The following CIITA variants were observed in gnomAD, a reference collection of about 807,000 sequenced individuals.
CIITA encodes the protein MHC class II transactivator.
A neutral mutation model predicts 115.1 loss-of-function variants in CIITA; 72 were observed. The ratio of observed to expected loss-of-function variants is 0.63; its 90% confidence interval spans 0.52 to 0.76. CIITA has a LOEUF of 0.76. Ranked by LOEUF, CIITA falls within the 30% of genes least tolerant of loss-of-function variation. The probability of loss-of-function intolerance (pLI) is 0.00; values close to 1 mark genes in which losing one functional copy is unlikely to be tolerated. For missense variants in CIITA, 1,617 were observed against 1,463.8 expected (o/e 1.10, Z -1.71); for synonymous variants, 763 against 635.6 (o/e 1.20, Z -3.02).
chr16:10,917,313 C>T (rs2040007575), intron 15 of CIITA, among the ~76,000 whole-genome samples: 2 of 152,064 alleles, frequency 1.3e-5, no homozygotes, highest in African/African-American at 4.8e-5. Flanking sequence ...GTAGCTGGGA[C>T]AGGTGCATGC....
Position 10,920,527 on chromosome 16 carries a change from G to A in CIITA, c.3150-1640G>A, listed in dbSNP as rs2040214295. Among the ~76,000 whole-genome samples, 1 of 152,212 alleles carries A rather than the reference G, an allele frequency of 6.6e-6. No homozygotes were observed. Among genetic ancestry groups the A allele is most frequent in the Admixed American group, 6.5e-5 (1 of 15,286 alleles). On this transcript the variant is annotated intron_variant, in intron 16 of 19. Coordinates refer to ENST00000324288, the MANE Select transcript of CIITA (RefSeq NM_000246.4). This position sits in a 1 kb window ranked among gnomAD's most constrained non-coding sequence, Gnocchi z 4.5. ...CTTCCAAAGTGCTGGGATTACGGGT[G>A]TGAGCCACCATGCCCAGCCTGATTT...
At chr16:10,887,416 G>A (rs1414644069) in intron 1 of CIITA, among the ~76,000 whole-genome samples, 2 of 152,140 alleles carry the variant, frequency 1.3e-5, no homozygotes, top group African/African-American at 4.8e-5. Flanking sequence ...ATGTCTCTAG[G>A]CACACAGTTC....
chr16:10,912,201 A>G (rs2039631102), intron 13 of CIITA, among the ~76,000 whole-genome samples: 1 of 150,558 alleles, frequency 6.6e-6, no homozygotes, highest in South Asian at 2.1e-4. Context: ...TGCAATCTCC[A>G]CCTCTCGGTT....
At chr16:10,904,552 T>G (rs951170732) in intron 9 of CIITA, among the ~76,000 whole-genome samples, 192 bp from the exon 10 acceptor site, 1 of 152,032 alleles carries the variant, frequency 6.6e-6, no homozygotes, top group Non-Finnish European at 1.5e-5. Flanking sequence ...TAAACATGAG[T>G]GAAATTTTTA....
rs116325899 is a variant in CIITA, at chr16:10,918,304, A to G, written c.3063-136A>G. On this transcript the variant is annotated intron_variant, in intron 15 of 19. Coordinates refer to ENST00000324288, the MANE Select transcript of CIITA (RefSeq NM_000246.4). The stretch of plus-strand genomic sequence containing the variant: ...CCACTTGGCCACAGGACCTAACAGT[A>G]TCCTCCTATTTACCGAGAGGTAGCT... 9.4e-4 allele frequency: 788 copies of G among 841,804 alleles called. 6 individuals are homozygous for G. The African/African-American group carries it at 0.012, about 13-fold the overall frequency. The allele number at this position is 841,804 out of a possible 1,614,324, so 52.1% of individuals were successfully genotyped here.
In CIITA at chr16:10,898,193, C is replaced by G. The variant is rs145276588; in HGVS notation, c.296-477C>G. On this transcript the variant is annotated intron_variant, in intron 3 of 19. Transcript: ENST00000324288. ...CATGTACCCCTTTATATAGTTACCA[C>G]TATTTACTGAGTGCCTACTGTATAC... Among the ~76,000 whole-genome samples the G allele has an allele frequency of 3.1e-4, 47 of 152,286 alleles. No individual in the cohort carries two copies. The East Asian group carries it at 8.9e-3, about 29-fold the overall frequency.
intron 1 of CIITA, among the ~76,000 whole-genome samples, chr16:10,887,803 A>G (rs1044064905): frequency 1.3e-5 from 2 of 152,078 alleles, no homozygotes; most frequent in South Asian, 2.1e-4. Flanking sequence ...CCTCCTTCTC[A>G]TGCTCTTTAA....
chr16:10,878,011 C>A (rs1011854764), intron 1 of CIITA, among the ~76,000 whole-genome samples: 2 of 152,288 alleles, frequency 1.3e-5, no homozygotes, highest in South Asian at 4.1e-4. Flanking sequence ...CTGAAGAAGT[C>A]GTTTACATTC....
In CIITA at chr16:10,908,099, C is replaced by A. The variant is rs1449586614; in HGVS notation, c.2607C>A (p.Cys869Ter). 2 of 1,601,940 alleles carry A rather than the reference C, an allele frequency of 1.2e-6. No homozygotes were observed. Among genetic ancestry groups the A allele is most frequent in the Non-Finnish European group, 8.5e-7 (1 of 1,174,228 alleles). Residue 869 changes from cysteine to a stop codon, truncating the protein, a stop_gained, in exon 11 of 20, where the codon TGC becomes TGA. Transcript: ENST00000324288. LOFTEE classifies it high-confidence loss of function. ...FSLDLRSTGI[C>*]PSGLGSLVGL... ...TGGACCTCCGCAGCACTGGCATTTGCCCCTCTGGATTGGGGAGCCTCGTGG... is the reference window on the plus strand; with the variant it reads ...TGGACCTCCGCAGCACTGGCATTTGACCCTCTGGATTGGGGAGCCTCGTGG...
chr16:10,913,332 T>A (rs2144899689), intron 13 of CIITA: 1 of 152,770 alleles, frequency 6.5e-6, no homozygotes, highest in South Asian at 2.0e-4. Flanking sequence ...TTTCTTTTTT[T>A]GAGGTGGAGT....
Position 10,934,223 on chromosome 16 carries a change from C to G in CIITA, c.*10368C>G, listed in dbSNP as rs565193700. 2.0e-5 allele frequency: 3 copies of G among 152,346 alleles called. No individual in the cohort carries two copies. Among genetic ancestry groups the G allele is most frequent in the African/African-American group, 7.2e-5 (3 of 41,562 alleles). The allele number at this position is 152,346 out of a possible 1,614,324, so 9.4% of individuals were successfully genotyped here. On this transcript the variant is annotated 3_prime_UTR_variant, in exon 20 of 20. Transcript: ENST00000324288. The surrounding 1 kb of genome is among the most constrained non-coding windows in gnomAD (Gnocchi z 4.2). Reference sequence around the variant, plus strand: ...AGGTCCTGCCACATCCAAGAACCACCTGGACTATTATTTACTTAGTATTTT... The same window carrying G: ...AGGTCCTGCCACATCCAAGAACCACGTGGACTATTATTTACTTAGTATTTT...
chr16:10,904,345 C>T (rs767880108), intron 9 of CIITA, among the ~76,000 whole-genome samples: 5 of 152,092 alleles, frequency 3.3e-5, no homozygotes, highest in African/African-American at 4.8e-5. Flanking sequence ...CCTCAGCCTC[C>T]GGAGCAGCTG....
intron 9 of CIITA, 125 bp downstream of exon 9, chr16:10,904,020 A>G: frequency 7.7e-7 from 1 of 1,299,524 alleles, no homozygotes; most frequent in South Asian, 1.2e-5. Flanking sequence ...TTTAGGGGTC[A>G]GTCGGGACAG....
In CIITA at chr16:10,933,483, C is replaced by A. The variant is rs1023395974; in HGVS notation, c.*9628C>A. On this transcript the variant is annotated 3_prime_UTR_variant, in exon 20 of 20. Transcript: ENST00000324288. ...CCTGTCTGTGCTGATTGTGGTTCTG[C>A]CCCTTCCTGGCTGTGTGACCTCAGA... The A allele has an allele frequency of 6.6e-6, 1 of 152,316 alleles. No homozygotes were observed. The allele number at this position is 152,316 out of a possible 1,614,324, so 9.4% of individuals were successfully genotyped here. A position where few individuals can be genotyped will look rare whatever the true frequency, so the allele number is the denominator to read the frequency against.
At chr16:10,894,472 GT>G (rs1470633963) in intron 1 of CIITA, among the ~76,000 whole-genome samples, 1 of 151,900 alleles carries the variant, frequency 6.6e-6, no homozygotes, top group Non-Finnish European at 1.5e-5. Flanking sequence ...GTTTTCTTTT[GT>G]TTTATTAATA....
At chr16:10,875,613 C>T (rs993779092), upstream of CIITA, among the ~76,000 whole-genome samples, 2 of 152,208 alleles carry the variant, frequency 1.3e-5, no homozygotes, top group Admixed American at 1.3e-4. Flanking sequence ...CCACATAACA[C>T]TTTACTATTA....
chr16:10,921,400 C>T (rs1278835992), intron 16 of CIITA, among the ~76,000 whole-genome samples: 3 of 152,198 alleles, frequency 2.0e-5, no homozygotes, highest in East Asian at 3.8e-4. Flanking sequence ...CTCTTCCTGC[C>T]CCCAGTGCTG....
In CIITA at chr16:10,903,884, C is replaced by A. The variant is rs1480048375; in HGVS notation, c.926C>A (p.Ala309Glu). 6.2e-7 allele frequency: 1 copy of A among 1,614,220 alleles called. No individual in the cohort carries two copies. Among genetic ancestry groups the A allele is most frequent in the Non-Finnish European group, 8.5e-7 (1 of 1,180,036 alleles). Reference sequence around the variant, plus strand: ...CCTGAACCTGCCCTGACCTCCCGAGCAAACATGACAGGTAAGGACCCTTAG... The same window carrying A: ...CCTGAACCTGCCCTGACCTCCCGAGAAAACATGACAGGTAAGGACCCTTAG... Reference protein sequence around the residue: ...SMPEPALTSRANMTEHKTSPT... With the variant: ...SMPEPALTSRENMTEHKTSPT... Residue 309 changes from alanine (A) to glutamate (E), a missense_variant, in exon 9 of 20, where the codon GCA (alanine) becomes GAA (glutamate). Transcript: ENST00000324288.
rs543303707 is a variant in CIITA at position 10,923,393 on chromosome 16, A to T, written c.*22+68A>T. ...GGGGCAGTGTCCTTGTGAAGGTGGCATTCAAAAAATGTGGGCGGGACACAG... is the reference window on the plus strand; with the variant it reads ...GGGGCAGTGTCCTTGTGAAGGTGGCTTTCAAAAAATGTGGGCGGGACACAG... On this transcript the variant is annotated intron_variant, in intron 19 of 19. Coordinates refer to ENST00000324288, the MANE Select transcript of CIITA (RefSeq NM_000246.4). This position sits in a 1 kb window ranked among gnomAD's most constrained non-coding sequence, Gnocchi z 5.2. The T allele has an allele frequency of 1.5e-6, 2 of 1,295,374 alleles. No individual in the cohort carries two copies. Among genetic ancestry groups the T allele is most frequent in the African/African-American group, 1.5e-5 (1 of 68,686 alleles). The allele number at this position is 1,295,374 out of a possible 1,614,324, so 80.2% of individuals were successfully genotyped here.
Sources: gnomAD v4.1 joint callset for allele counts (sites outside exome capture counted in the v4.1 genomes callset) on GRCh38, gnomAD v4.1.1 for gene constraint, Gnocchi (gnomAD v3.1) non-coding constraint, MANE v1.5 for transcripts, NCBI Gene and HGNC (gene_info 2026-07-23, HGNC 2026-07-21) for gene names.